Variants in OSBPL5 observed in about 807,000 individuals in gnomAD.
OSBPL5 encodes the protein oxysterol binding protein like 5, also known as oxysterol-binding protein-related protein 5.
Under a neutral mutation model 111.2 loss-of-function variants are expected in OSBPL5, and 71 were observed. That is an observed-to-expected ratio of 0.64 (90% CI 0.53 to 0.78). The LOEUF is 0.78. OSBPL5 is among the 30% of genes least tolerant of loss of function. The pLI is 0.00. For synonymous variants in OSBPL5, 549 were observed against 513.9 expected, an observed-to-expected ratio of 1.07 and a Z score of -0.93; for missense variants, 1,210 against 1,189.3, an observed-to-expected ratio of 1.02 and a Z score of -0.26.
At position 3,126,651 on chromosome 11, in the gene OSBPL5, G is replaced by A. The variant is rs1023895427; in HGVS notation, c.137-96C>T. ...TGTGAGGCAGGCGAAGCGTGGGTGC[G>A]GATGACCTGGGAGGGGCAGGAAGTC... is the stretch of plus-strand genomic sequence containing the variant. On this transcript the variant is annotated intron_variant, in intron 2 of 21. Coordinates refer to ENST00000263650, the MANE Select transcript of OSBPL5 (RefSeq NM_020896.4). This position sits in a 1 kb window ranked among gnomAD's most constrained non-coding sequence, Gnocchi z 6.5. 2.2e-5 allele frequency: 23 copies of A among 1,055,198 alleles called. No individual in the cohort carries two copies. The African/African-American group carries it at 2.4e-4, about 11-fold the overall frequency. 65.4% of individuals were successfully genotyped at this position (1,055,198 alleles called of 1,614,324 possible). A position where few individuals can be genotyped will look rare whatever the true frequency, so the allele number is the denominator to read the frequency against.
At chr11:3,120,340 C>T in intron 6 of OSBPL5, 81 bp downstream of exon 6, 2 of 1,519,026 alleles carry the variant, frequency 1.3e-6, no homozygotes, top group East Asian at 2.5e-5. Context: ...AGCTGGTTGG[C>T]TCCACCCTCC....
Position 3,104,657 on chromosome 11 carries a change from A to C in OSBPL5, c.1060-280T>G, listed in dbSNP as rs1857634683. ...GGACCCCATGCCCTGCCCTCCTCAA[A>C]GTCCAGGGTGCAGCCTCCCAACACC... On this transcript the variant is annotated intron_variant, in intron 9 of 21. Coordinates refer to ENST00000263650, the MANE Select transcript of OSBPL5 (RefSeq NM_020896.4). The surrounding 1 kb of genome is among the most constrained non-coding windows in gnomAD (Gnocchi z 5.0). Among the ~76,000 whole-genome samples, 1 of 152,020 alleles carries C rather than the reference A, an allele frequency of 6.6e-6. No individual in the cohort carries two copies. Among genetic ancestry groups the C allele is most frequent in the Non-Finnish European group, 1.5e-5 (1 of 67,944 alleles).
At chr11:3,143,847 G>A (rs533874247) in intron 1 of OSBPL5, among the ~76,000 whole-genome samples, 5 of 152,338 alleles carry the variant, frequency 3.3e-5, no homozygotes, top group Non-Finnish European at 4.4e-5. Flanking sequence ...GCTCCTGGCC[G>A]TGGTCATAGC....
In OSBPL5 at chr11:3,121,182, C is replaced by T. The variant is rs886211222; in HGVS notation, c.403-558G>A. Among the ~76,000 whole-genome samples the T allele has an allele frequency of 1.3e-5, 2 of 151,766 alleles. No individual in the cohort carries two copies. Among genetic ancestry groups the T allele is most frequent in the South Asian group, 2.1e-4 (1 of 4,806 alleles). ...AAGCGATTCTCCTGCCTCAGCCGCC[C>T]GAGTAGCTGGGATTACAGGCGCCCG... On this transcript the variant is annotated intron_variant, in intron 5 of 21. Transcript: ENST00000263650. The surrounding 1 kb of genome is among the most constrained non-coding windows in gnomAD (Gnocchi z 4.3).
chr11:3,095,439 G>A (rs910920548), intron 14 of OSBPL5, among the ~76,000 whole-genome samples: 25 of 152,304 alleles, frequency 1.6e-4, no homozygotes, highest in Admixed American at 1.6e-3. Context: ...GTCGATTTGA[G>A]GTCTAGTGTA....
chr11:3,121,920 C>T lies in OSBPL5; in HGVS notation c.402+77G>A, dbSNP rs1858429848. 1 of 1,330,040 alleles carries T rather than the reference C, an allele frequency of 7.5e-7. No individual in the cohort carries two copies. The highest frequency in any genetic ancestry group is 1.0e-6 in the Non-Finnish European group (1 of 961,536). 82.4% of individuals were successfully genotyped at this position (1,330,040 alleles called of 1,614,324 possible). On this transcript the variant is annotated intron_variant, in intron 5 of 21. Transcript: ENST00000263650. The surrounding 1 kb of genome is among the most constrained non-coding windows in gnomAD (Gnocchi z 4.3). ...AGTGAATTTCCATCGTTTCAGGCCACCTGGTTTATGGTCCTTTGTTATGGC... is the reference window on the plus strand; with the variant it reads ...AGTGAATTTCCATCGTTTCAGGCCATCTGGTTTATGGTCCTTTGTTATGGC...
intron 1 of OSBPL5, among the ~76,000 whole-genome samples, chr11:3,148,950 T>C (rs1467545762): frequency 3.9e-5 from 6 of 152,224 alleles, no homozygotes; most frequent in Admixed American, 3.3e-4. Flanking sequence ...TAGCCTCTGC[T>C]GTGGGTTGGC....
intron 21 of OSBPL5, among the ~76,000 whole-genome samples, 179 bp downstream of exon 21, chr11:3,089,667 C>T (rs940134729): frequency 1.3e-5 from 2 of 152,208 alleles, no homozygotes; most frequent in East Asian, 3.9e-4. Flanking sequence ...CGCTCCCACA[C>T]CCTCTCTCCT....
chr11:3,158,893 C>T (rs1399043977), intron 1 of OSBPL5, among the ~76,000 whole-genome samples: 2 of 152,184 alleles, frequency 1.3e-5, no homozygotes, highest in Admixed American at 6.5e-5. Flanking sequence ...GTTCCCTTCT[C>T]GGTTCCTGCC....
In OSBPL5 at chr11:3,107,375, G is replaced by A. The variant is rs142383880; in HGVS notation, c.947C>T (p.Thr316Ile). 14 of 1,613,872 alleles carry A rather than the reference G, an allele frequency of 8.7e-6. No homozygotes were observed. Among genetic ancestry groups the A allele is most frequent in the African/African-American group, 6.7e-5 (5 of 74,882 alleles). Residue 316 changes from threonine (T) to isoleucine (I), a missense_variant, in exon 9 of 22, where the codon ACC (threonine) becomes ATC (isoleucine). Coordinates refer to ENST00000263650, the MANE Select transcript of OSBPL5 (RefSeq NM_020896.4). This position sits in a 1 kb window ranked among gnomAD's most constrained non-coding sequence, Gnocchi z 6.1. ...CTCCGTCTTCCGGCTATGGTCCTGGGTCTCGGTATCTGACTCCTCAGGGTT... is the reference window on the plus strand; with the variant it reads ...CTCCGTCTTCCGGCTATGGTCCTGGATCTCGGTATCTGACTCCTCAGGGTT... ...RENPEESDTE[T>I]QDHSRKTESG... is the part of the protein sequence containing the mutation.
Position 3,122,034 on chromosome 11 carries a change from G to T in OSBPL5, c.365C>A (p.Thr122Lys). The T allele has an allele frequency of 1.3e-6, 2 of 1,581,990 alleles. No individual in the cohort carries two copies. Among genetic ancestry groups the T allele is most frequent in the South Asian group, 2.3e-5 (2 of 87,700 alleles). ...AGCCATGATGACCACGCTGGGGTCT[G>T]TCAGAGCGCTGAGCAGCTGCCGTGT... is the stretch of plus-strand genomic sequence containing the variant. ...RATRQLLSALTDPSVVIMADS... is the reference protein window; with the variant it reads ...RATRQLLSALKDPSVVIMADS... Residue 122 changes from threonine (T) to lysine (K), a missense_variant, in exon 5 of 22, where the codon ACA becomes AAA. Transcript: ENST00000263650.
chr11:3,106,813 C>T lies in OSBPL5; in HGVS notation c.1059+450G>A, dbSNP rs1857710358. Among the ~76,000 whole-genome samples the T allele has an allele frequency of 6.6e-6, 1 of 152,198 alleles. No individual in the cohort carries two copies. Among genetic ancestry groups the T allele is most frequent in the African/African-American group, 2.4e-5 (1 of 41,442 alleles). ...CTGGGGGCCCAGAGCCCAGGTCTGT[C>T]TCATTCATGGCTCTCCCAGGGCCCC... On this transcript the variant is annotated intron_variant, in intron 9 of 21. Transcript: ENST00000263650. The surrounding 1 kb of genome is among the most constrained non-coding windows in gnomAD (Gnocchi z 8.4).
intron 3 of OSBPL5, 129 bp from the exon 4 acceptor site, chr11:3,122,557 G>A (rs1242571903): frequency 2.6e-6 from 2 of 757,916 alleles, no homozygotes; most frequent in Admixed American, 2.7e-5. Context: ...TTTCCCGCCT[G>A]GCACCCTCCA....
chr11:3,132,874 G>T (rs1195116332), intron 1 of OSBPL5, among the ~76,000 whole-genome samples: 1 of 152,232 alleles, frequency 6.6e-6, no homozygotes, highest in African/African-American at 2.4e-5. Flanking sequence ...AGCAGCCAAG[G>T]CAGGGACACG....
chr11:3,151,063 C>G (rs530177278), intron 1 of OSBPL5, among the ~76,000 whole-genome samples: 1 of 152,050 alleles, frequency 6.6e-6, no homozygotes, highest in South Asian at 2.1e-4. Flanking sequence ...CTGGGGTCCA[C>G]GTGTGAAAAG....
In OSBPL5 at chr11:3,092,318, G is replaced by A; in HGVS notation, c.2259+114C>T. The A allele has an allele frequency of 1.5e-6, 2 of 1,356,212 alleles. No individual in the cohort carries two copies. Among genetic ancestry groups the A allele is most frequent in the Admixed American group, 2.8e-5 (1 of 36,044 alleles). The allele number at this position is 1,356,212 out of a possible 1,614,324, so 84.0% of individuals were successfully genotyped here. A position where few individuals can be genotyped will look rare whatever the true frequency, so the allele number is the denominator to read the frequency against. On this transcript the variant is annotated intron_variant, in intron 19 of 21. Coordinates refer to ENST00000263650, the MANE Select transcript of OSBPL5 (RefSeq NM_020896.4). This position sits in a 1 kb window ranked among gnomAD's most constrained non-coding sequence, Gnocchi z 5.4. The stretch of plus-strand genomic sequence containing the variant: ...AGGGGACGAGGGGGCTGGGGGATGA[G>A]GGCGTGAGGGAAACGGAGCGAGGGG...
At position 3,092,307 on chromosome 11, in the gene OSBPL5, C is replaced by A. The variant is rs1439586595; in HGVS notation, c.2259+125G>T. The A allele has an allele frequency of 1.1e-5, 14 of 1,301,884 alleles. No individual in the cohort carries two copies. The highest frequency in any genetic ancestry group is 1.4e-5 in the Non-Finnish European group (14 of 982,108). 80.6% of individuals were successfully genotyped at this position (1,301,884 alleles called of 1,614,324 possible). A position where few individuals can be genotyped will look rare whatever the true frequency, so the allele number is the denominator to read the frequency against. ...CAGAGAAGGAAAGGGGACGAGGGGG[C>A]TGGGGGATGAGGGCGTGAGGGAAAC... On this transcript the variant is annotated intron_variant, in intron 19 of 21. Coordinates refer to ENST00000263650, the MANE Select transcript of OSBPL5 (RefSeq NM_020896.4). The surrounding 1 kb of genome is among the most constrained non-coding windows in gnomAD (Gnocchi z 5.4).
intron 1 of OSBPL5, among the ~76,000 whole-genome samples, chr11:3,139,525 C>G (rs928681979): frequency 4.6e-5 from 7 of 152,180 alleles, no homozygotes; most frequent in Non-Finnish European, 7.4e-5. Context: ...CTGGGGAAAG[C>G]CAGTGAGCAG....
At position 3,113,674 on chromosome 11, in the gene OSBPL5, T is replaced by C. The variant is rs1463027546; in HGVS notation, c.692-5729A>G. On this transcript the variant is annotated intron_variant, in intron 7 of 21. Coordinates refer to ENST00000263650, the MANE Select transcript of OSBPL5 (RefSeq NM_020896.4). This position sits in a 1 kb window ranked among gnomAD's most constrained non-coding sequence, Gnocchi z 4.8. ...CGTCTCAAAAAAAAAAAAATTTATA[T>C]TGGTTTAATAAAAATAGCTACATCT... Among the ~76,000 whole-genome samples, 1 of 152,028 alleles carries C rather than the reference T, an allele frequency of 6.6e-6. No individual in the cohort carries two copies. Among genetic ancestry groups the C allele is most frequent in the Admixed American group, 6.6e-5 (1 of 15,252 alleles).
Sources: allele counts gnomAD v4.1 joint callset (sites outside exome capture counted in the v4.1 genomes callset), GRCh38; gene constraint gnomAD v4.1.1; non-coding constraint Gnocchi (gnomAD v3.1); transcripts MANE v1.5; gene names NCBI Gene and HGNC (gene_info 2026-07-23, HGNC 2026-07-21).